Variants in ANKRD10 observed in about 807,000 individuals in gnomAD.
The protein encoded by ANKRD10 is ankyrin repeat domain-containing protein 10.
A neutral mutation model predicts 27.0 loss-of-function variants in ANKRD10; 14 were observed. The observed-to-expected ratio is 0.52, with a 90% CI of 0.34 to 0.81. The LOEUF (loss-of-function observed/expected upper bound fraction) is 0.81, where lower values mean the gene tolerates loss of function less well. Ranked by LOEUF, ANKRD10 falls within the 40% of genes least tolerant of loss-of-function variation. The pLI is 0.01. For synonymous variants in ANKRD10, 250 were observed against 224.5 expected, an observed-to-expected ratio of 1.11 and a Z score of -1.01; for missense variants, 493 against 544.0, an observed-to-expected ratio of 0.91 and a Z score of 0.93.
intron 3 of ANKRD10, among the ~76,000 whole-genome samples, chr13:110,903,055 A>G (rs1157681418): frequency 6.6e-6 from 1 of 152,240 alleles, no homozygotes; most frequent in Non-Finnish European, 1.5e-5. Flanking sequence ...AAATCACATT[A>G]AGACTTAATG....
rs746641124 is a variant in ANKRD10 at position 110,879,739 on chromosome 13, G to A, written c.1161C>T (p.Ile387=). 1 of 1,614,212 alleles carries A rather than the reference G, an allele frequency of 6.2e-7. No homozygotes were observed. Among genetic ancestry groups the A allele is most frequent in the Non-Finnish European group, 8.5e-7 (1 of 1,180,030 alleles). ...YHGFGDTAES[I]PELNSVVEHS... is the part of the protein sequence containing the mutation. ...GCTCGACCACACTGTTCAGTTCTGGGATGCTTTCAGCAGTGTCCCCAAACC... is the reference window on the plus strand; with the variant it reads ...GCTCGACCACACTGTTCAGTTCTGGAATGCTTTCAGCAGTGTCCCCAAACC... The change falls in exon 6 of 6, where the codon ATC becomes ATT. Residue 387 remains isoleucine (I), a synonymous_variant. Coordinates refer to ENST00000267339, the MANE Select transcript of ANKRD10 (RefSeq NM_017664.4).
intron 4 of ANKRD10, among the ~76,000 whole-genome samples, chr13:110,888,335 ACTGT>A (rs1293102369): frequency 1.3e-5 from 2 of 151,906 alleles, no homozygotes; most frequent in Non-Finnish European, 2.9e-5. Context: ...AAACGCAGAC[ACTGT>A]CTGGACTGGA....
intron 3 of ANKRD10, among the ~76,000 whole-genome samples, chr13:110,899,573 T>C (rs3205743): frequency 0.34 from 52,273 of 152,022 alleles, 9,509 homozygotes; most frequent in South Asian, 0.42. Context: ...AAATTAACTT[T>C]CTTTAAAAGA....
chr13:110,906,460 GCCAA>G (rs572980952), intron 2 of ANKRD10, among the ~76,000 whole-genome samples: 20 of 151,964 alleles, frequency 1.3e-4, no homozygotes, highest in East Asian at 3.9e-4. Flanking sequence ...AAACAAACAA[GCCAA>G]CCAACCAACC....
At chr13:110,900,322 T>G (rs1566477598) in intron 3 of ANKRD10, among the ~76,000 whole-genome samples, 1 of 152,324 alleles carries the variant, frequency 6.6e-6, no homozygotes, top group East Asian at 1.9e-4. Context: ...TTCAGGATGT[T>G]TTCTTATTGT....
intron 2 of ANKRD10, among the ~76,000 whole-genome samples, chr13:110,909,789 T>C (rs1233849190): frequency 6.6e-6 from 1 of 152,152 alleles, no homozygotes; most frequent in Non-Finnish European, 1.5e-5. Context: ...GACTGAATCT[T>C]GGGAAAGAAA....
At chr13:110,896,343 C>T (rs1160342033) in intron 3 of ANKRD10, among the ~76,000 whole-genome samples, 2 of 152,220 alleles carry the variant, frequency 1.3e-5, no homozygotes, top group Admixed American at 6.5e-5. Context: ...TTACCAAGGG[C>T]TGAATGTATA....
intron 1 of ANKRD10, among the ~76,000 whole-genome samples, chr13:110,913,451 G>C (rs532595712): frequency 4.6e-5 from 7 of 152,218 alleles, no homozygotes; most frequent in Non-Finnish European, 8.8e-5. Flanking sequence ...CAACTTCAGA[G>C]ACAGTGCCAC....
intron 4 of ANKRD10, among the ~76,000 whole-genome samples, chr13:110,888,528 G>A (rs895821804): frequency 1.3e-5 from 2 of 152,212 alleles, no homozygotes; most frequent in East Asian, 1.9e-4. Context: ...GCTATAATAT[G>A]TAACTAAACT....
In ANKRD10 at chr13:110,883,794, C is replaced by T. The variant is rs1464613965; in HGVS notation, c.692-1G>A. On this transcript the variant is annotated splice_acceptor_variant, in intron 4 of 5. Transcript: ENST00000267339. LOFTEE classifies it high-confidence loss of function. Reference sequence around the variant, plus strand: ...GGCACGGCAGAATCCAAGCTTTGAGCTGCACAGAAAACAAAGACTATTTCA... The same window carrying T: ...GGCACGGCAGAATCCAAGCTTTGAGTTGCACAGAAAACAAAGACTATTTCA... The T allele has an allele frequency of 1.2e-6, 2 of 1,614,010 alleles. No individual in the cohort carries two copies. Among genetic ancestry groups the T allele is most frequent in the South Asian group, 1.1e-5 (1 of 91,068 alleles).
intron 2 of ANKRD10, among the ~76,000 whole-genome samples, chr13:110,909,859 G>C (rs1254293978): frequency 6.6e-6 from 1 of 152,180 alleles, no homozygotes; most frequent in African/African-American, 2.4e-5. Context: ...AAAGATAGGA[G>C]TAAAAAAGGC....
intron 4 of ANKRD10, among the ~76,000 whole-genome samples, chr13:110,885,613 G>A (rs912229605): frequency 5.3e-5 from 8 of 152,068 alleles, no homozygotes; most frequent in African/African-American, 1.4e-4. Flanking sequence ...TGGAAGAGCA[G>A]ATCCCCCAAG....
rs1370619840 is a variant in ANKRD10, at chr13:110,879,527, T to C, written c.*110A>G. ...AGTTTACTTTTTCAGAAAGTTGAAG[T>C]ATATAAAAAACGTACAAGTTGTGAC... On this transcript the variant is annotated 3_prime_UTR_variant, in exon 6 of 6. Coordinates refer to ENST00000267339, the MANE Select transcript of ANKRD10 (RefSeq NM_017664.4). 1.2e-6 allele frequency: 1 copy of C among 822,538 alleles called. No homozygotes were observed. The highest frequency in any genetic ancestry group is 2.7e-5 in the Admixed American group (1 of 37,700). The allele number at this position is 822,538 out of a possible 1,614,324, so 51.0% of individuals were successfully genotyped here. A position where few individuals can be genotyped will look rare whatever the true frequency, so the allele number is the denominator to read the frequency against.
At chr13:110,906,335 A>G (rs780283020) in intron 2 of ANKRD10, among the ~76,000 whole-genome samples, 13 of 152,200 alleles carry the variant, frequency 8.5e-5, no homozygotes, top group Middle Eastern at 6.8e-3. Flanking sequence ...TCGTTGACCA[A>G]ATATCTTGGG....
At chr13:110,897,097 G>C (rs746955680) in intron 3 of ANKRD10, among the ~76,000 whole-genome samples, 1 of 151,868 alleles carries the variant, frequency 6.6e-6, no homozygotes, top group Non-Finnish European at 1.5e-5. Context: ...TACAGTGCAA[G>C]GTAACACTAG....
Position 110,915,008 on chromosome 13 carries a change from C to A in ANKRD10, c.-74G>T. On this transcript the variant is annotated 5_prime_UTR_variant, in exon 1 of 6. Transcript: ENST00000267339. ...GGGAGGACTCGAGAAGCCGCCGCCG[C>A]AGCACAAAGGAACGAGACTAGCGCC... 1 of 1,481,992 alleles carries A rather than the reference C, an allele frequency of 6.7e-7. No individual in the cohort carries two copies. Among genetic ancestry groups the A allele is most frequent in the East Asian group, 2.5e-5 (1 of 39,948 alleles). 91.8% of individuals were successfully genotyped at this position (1,481,992 alleles called of 1,614,324 possible). A position where few individuals can be genotyped will look rare whatever the true frequency, so the allele number is the denominator to read the frequency against.
At chr13:110,904,674 A>G (rs571663684) in intron 3 of ANKRD10, among the ~76,000 whole-genome samples, 10 of 152,394 alleles carry the variant, frequency 6.6e-5, no homozygotes, top group African/African-American at 2.4e-4. Context: ...TTTGCTTTAA[A>G]GCAATCCACT....
rs2065133818 is a variant in ANKRD10, at chr13:110,893,350, T to C, written c.456-87A>G. On this transcript the variant is annotated intron_variant, in intron 3 of 5. Transcript: ENST00000267339. Reference sequence around the variant, plus strand: ...GCTGAACTGACTAGCTATCTGAAGGTGGTATGAAAGAGTAAACAAATTCAT... The same window carrying C: ...GCTGAACTGACTAGCTATCTGAAGGCGGTATGAAAGAGTAAACAAATTCAT... The C allele has an allele frequency of 1.5e-5, 20 of 1,326,380 alleles. No individual in the cohort carries two copies. The South Asian group carries it at 2.5e-4, about 17-fold the overall frequency. The allele number at this position is 1,326,380 out of a possible 1,614,324, so 82.2% of individuals were successfully genotyped here.
At chr13:110,894,194 G>T in intron 3 of ANKRD10, 1 of 1,610,144 alleles carries the variant, frequency 6.2e-7, no homozygotes, top group Non-Finnish European at 8.5e-7. Context: ...ACTGCTCTGT[G>T]AAATAAACCT....
Sources: gnomAD v4.1 joint callset for allele counts (sites outside exome capture counted in the v4.1 genomes callset) on GRCh38, gnomAD v4.1.1 for gene constraint, MANE v1.5 for transcripts, NCBI Gene and HGNC (gene_info 2026-07-23, HGNC 2026-07-21) for gene names.